Variants in COL13A1 observed in about 807,000 individuals in gnomAD.
COL13A1 encodes collagen type XIII alpha 1 chain.
A neutral mutation model predicts 130.9 loss-of-function variants in COL13A1; 89 were observed. The observed-to-expected ratio is 0.68, with a 90% CI of 0.57 to 0.81. COL13A1 has a LOEUF of 0.81. Among genes scored for constraint, COL13A1 ranks in the 30% least tolerant of loss-of-function variants. The pLI is 0.00. For missense variants in COL13A1, 879 were observed against 934.6 expected, an observed-to-expected ratio of 0.94 and a Z score of 0.78; for synonymous variants, 402 against 341.6, an observed-to-expected ratio of 1.18 and a Z score of -1.95.
chr10:69,908,422 C>T (rs553371228), intron 17 of COL13A1, among the ~76,000 whole-genome samples: 7 of 152,292 alleles, frequency 4.6e-5, no homozygotes, highest in African/African-American at 1.4e-4. Context: ...CCTGGTGCAA[C>T]GCGGGATCAG....
At chr10:69,863,248 A>G (rs1019824079) in intron 2 of COL13A1, among the ~76,000 whole-genome samples, 2 of 152,170 alleles carry the variant, frequency 1.3e-5, no homozygotes, top group South Asian at 2.1e-4. Context: ...CGTGAAATCA[A>G]AATGTCTCCA....
Position 69,944,185 on chromosome 10 carries a change from G to A in COL13A1, c.1968+7G>A, listed in dbSNP as rs200769677. The A allele has an allele frequency of 2.0e-5, 32 of 1,613,332 alleles. No individual in the cohort carries two copies. The African/African-American group carries it at 3.7e-4, about 19-fold the overall frequency. ...GGGACCAAAGGGCGAGAGGGTGAGT[G>A]TCACTGAGCCAGGGGCCTGGGCGGC... On this transcript the variant is annotated splice_region_variant and intron_variant, in intron 36 of 40. Coordinates refer to ENST00000645393, the MANE Select transcript of COL13A1 (RefSeq NM_001368882.1).
At chr10:69,948,808 C>A (rs1211266589) in intron 38 of COL13A1, among the ~76,000 whole-genome samples, 1 of 151,292 alleles carries the variant, frequency 6.6e-6, no homozygotes, top group African/African-American at 2.5e-5. Context: ...AGGACAAGTA[C>A]CCTTGTCACA....
At chr10:69,936,806 C>G (rs558138845) in intron 33 of COL13A1, 24 bp downstream of exon 33, 2 of 1,613,714 alleles carry the variant, frequency 1.2e-6, no homozygotes, top group Non-Finnish European at 8.5e-7. Context: ...ACATGACAGG[C>G]GCTGTGTCAG....
intron 31 of COL13A1, among the ~76,000 whole-genome samples, chr10:69,933,980 G>A (rs1307426783): frequency 6.6e-6 from 1 of 152,038 alleles, no homozygotes; most frequent in Non-Finnish European, 1.5e-5. Flanking sequence ...TTCACAGTAA[G>A]TGAAAAAGAG....
chr10:69,931,392 G>A (rs2066101350), intron 30 of COL13A1: 1 of 340,734 alleles, frequency 2.9e-6, no homozygotes, highest in South Asian at 2.2e-5. Context: ...ACCCAGCCTG[G>A]GAGCAGGCAG....
At chr10:69,822,080 G>T (rs1249492375) in intron 1 of COL13A1, among the ~76,000 whole-genome samples, 2 of 152,318 alleles carry the variant, frequency 1.3e-5, no homozygotes, top group East Asian at 3.9e-4. Context: ...ATGAGCATGA[G>T]GTGCAGGAAG....
In COL13A1 at chr10:69,861,334, G is replaced by A. The variant is rs116536556; in HGVS notation, c.365-6464G>A. On this transcript the variant is annotated intron_variant, in intron 2 of 40. Transcript: ENST00000645393. ...TGGCTCCAGGGGTGGCAGTGGCATAGCTAGTAGTATGGAGTCCTCTGGGGA... is the reference window on the plus strand; with the variant it reads ...TGGCTCCAGGGGTGGCAGTGGCATAACTAGTAGTATGGAGTCCTCTGGGGA... Among the ~76,000 whole-genome samples the A allele has an allele frequency of 4.7e-3, 710 of 152,318 alleles. 7 individuals are homozygous for A. The highest frequency in any genetic ancestry group is 0.016 in the African/African-American group (661 of 41,562).
At chr10:69,902,662 C>T in intron 14 of COL13A1, 86 bp from the exon 15 acceptor site, 3 of 1,082,462 alleles carry the variant, frequency 2.8e-6, no homozygotes, top group Non-Finnish European at 3.9e-6. Flanking sequence ...TCACAGCAGG[C>T]CTTCACTGGG....
chr10:69,935,383 G>A lies in COL13A1; in HGVS notation c.1762G>A (p.Gly588Arg), dbSNP rs368950603. The change falls in exon 32 of 41, where the codon GGA becomes AGA. Residue 588 changes from glycine to arginine, a missense_variant. By Grantham distance (125) the Gly-to-Arg change is moderately radical. Transcript: ENST00000645393. The stretch of plus-strand genomic sequence containing the variant: ...GCTGCCAGGGCCAGAGGGGCCTCCC[G>A]GACCTCCGGTAAGTTTGGAGGGCTT... ...PGLPGPEGPP[G>R]PPGLQGVPGP... is the part of the protein sequence containing the mutation. 27 of 1,567,220 alleles carry A rather than the reference G, an allele frequency of 1.7e-5. No homozygotes were observed. In the African/African-American group the frequency reaches 1.8e-4, roughly 10 times the overall value.
intron 1 of COL13A1, 117 bp downstream of exon 1, chr10:69,802,834 G>A: frequency 7.4e-7 from 1 of 1,357,180 alleles, no homozygotes; most frequent in Non-Finnish European, 1.0e-6. Context: ...AGGTTCGCGC[G>A]AGTTGCCTGC....
At chr10:69,822,831 A>C (rs1266079459) in intron 2 of COL13A1, among the ~76,000 whole-genome samples, 1 of 152,232 alleles carries the variant, frequency 6.6e-6, no homozygotes, top group African/African-American at 2.4e-5. Flanking sequence ...CCAGGTATAC[A>C]AAAATGTTTG....
In COL13A1 at chr10:69,856,395, C is replaced by A. The variant is rs79329828; in HGVS notation, c.365-11403C>A. Among the ~76,000 whole-genome samples, 1,918 of 152,252 alleles carry A rather than the reference C, an allele frequency of 0.013. 117 individuals are homozygous for A. The East Asian group carries it at 0.15, about 12-fold the overall frequency. ...TGGCCTACTTCATTTATTTATGTGA[C>A]CTGCCTGGCTCCTTGTAGGCATTGG... On this transcript the variant is annotated intron_variant, in intron 2 of 40. Transcript: ENST00000645393.
At chr10:69,874,097 T>C (rs1310233450) in intron 4 of COL13A1, among the ~76,000 whole-genome samples, 1 of 152,266 alleles carries the variant, frequency 6.6e-6, no homozygotes, top group African/African-American at 2.4e-5. Flanking sequence ...TGCCATTCTT[T>C]AGCAAAAGTG....
intron 9 of COL13A1, 131 bp from the exon 10 acceptor site, chr10:69,889,283 G>A: frequency 8.7e-7 from 1 of 1,155,424 alleles, no homozygotes; most frequent in South Asian, 1.4e-5. Context: ...GGTGCAGATG[G>A]AGCACAGGGG....
At chr10:69,872,432 G>A (rs911392181) in intron 4 of COL13A1, among the ~76,000 whole-genome samples, 3 of 152,180 alleles carry the variant, frequency 2.0e-5, no homozygotes, top group Non-Finnish European at 4.4e-5. Context: ...TACAGCCCTT[G>A]GTGTGCCTTT....
Position 69,888,343 on chromosome 10 carries a change from G to C in COL13A1, c.576+13G>C. ...GGACGGCAAACCGGTAAGTGGACCC[G>C]CTCTCTCCCCTCACTGCAGGTCAGT... On this transcript the variant is annotated intron_variant, in intron 9 of 40. Transcript: ENST00000645393. 1 of 1,611,320 alleles carries C rather than the reference G, an allele frequency of 6.2e-7. No homozygotes were observed. Among genetic ancestry groups the C allele is most frequent in the Non-Finnish European group, 8.5e-7 (1 of 1,178,734 alleles).
At chr10:69,809,740 C>T (rs929167263) in intron 1 of COL13A1, among the ~76,000 whole-genome samples, 4 of 152,336 alleles carry the variant, frequency 2.6e-5, no homozygotes, top group African/African-American at 4.8e-5. Context: ...ACTGCCTTGG[C>T]GTCAGGGCCG....
intron 2 of COL13A1, 42 bp from the exon 3 acceptor site, chr10:69,867,756 C>T: frequency 1.4e-6 from 1 of 718,128 alleles, no homozygotes; most frequent in Non-Finnish European, 2.6e-6. Flanking sequence ...CCGCCCCCTA[C>T]AGCAATGACA....
Sources: allele counts gnomAD v4.1 joint callset (sites outside exome capture counted in the v4.1 genomes callset), GRCh38; gene constraint gnomAD v4.1.1; transcripts MANE v1.5; gene names NCBI Gene and HGNC (gene_info 2026-07-23, HGNC 2026-07-21).